Variants in PDXDC1 observed in about 807,000 individuals in gnomAD.
PDXDC1 encodes the protein pyridoxal-dependent decarboxylase domain-containing protein 1.
Under a neutral mutation model 100.1 loss-of-function variants are expected in PDXDC1, and 42 were observed. The ratio of observed to expected loss-of-function variants is 0.42; its 90% CI spans 0.33 to 0.54. The LOEUF is 0.54. Among genes scored for constraint, PDXDC1 ranks in the 20% least tolerant of loss-of-function variants. PDXDC1 has a pLI of 0.10. For missense variants in PDXDC1, 636 were observed against 979.2 expected, an observed-to-expected ratio of 0.65 and a Z score of 4.68; for synonymous variants, 260 against 371.7, an observed-to-expected ratio of 0.70 and a Z score of 3.46.
chr16:15,074,124 T>C (rs2045352259), intron 16 of PDXDC1, among the ~76,000 whole-genome samples: 1 of 152,186 alleles, frequency 6.6e-6, no homozygotes, highest in Non-Finnish European at 1.5e-5. Context: ...TTTTATCCTT[T>C]CCTGTAGTTT....
intron 12 of PDXDC1, among the ~76,000 whole-genome samples, chr16:15,021,766 T>C (rs919696055): frequency 3.9e-5 from 6 of 152,294 alleles, no homozygotes; most frequent in African/African-American, 1.4e-4. Context: ...CCATGCCTTA[T>C]AGTCCACAGT....
chr16:15,114,895 T>A (rs2151880461), intron 16 of PDXDC1, among the ~76,000 whole-genome samples: 1 of 136,566 alleles, frequency 7.3e-6, no homozygotes, highest in East Asian at 2.2e-4. Context: ...ACACTAACAC[T>A]AACAATAGCT....
chr16:15,047,205 CA>C (rs1271273247), intron 16 of PDXDC1: 1 of 526,858 alleles, frequency 1.9e-6, no homozygotes, highest in East Asian at 3.1e-5. Flanking sequence ...ACATCAAGTT[CA>C]AAGTCAAGCC....
At chr16:15,122,005 G>C (rs1404083969) in intron 16 of PDXDC1, 1 of 275,854 alleles carries the variant, frequency 3.6e-6, no homozygotes, top group Non-Finnish European at 7.1e-6. Flanking sequence ...GCCAGGCGTG[G>C]TGGTCTACTA....
intron 16 of PDXDC1, chr16:15,127,521 G>A: frequency 1.1e-5 from 17 of 1,514,802 alleles, no homozygotes; most frequent in Non-Finnish European, 1.3e-5. Context: ...AGACGGGATA[G>A]ACAACCACGC....
chr16:15,128,752 T>C (rs936979662), intron 16 of PDXDC1, among the ~76,000 whole-genome samples: 1 of 151,272 alleles, frequency 6.6e-6, no homozygotes, highest in Non-Finnish European at 1.5e-5. Context: ...ATGCATAGAC[T>C]GCAAAGCGTG....
At chr16:15,073,566 G>GA (rs2045330617) in intron 16 of PDXDC1, among the ~76,000 whole-genome samples, 1 of 152,124 alleles carries the variant, frequency 6.6e-6, no homozygotes, top group South Asian at 2.1e-4. Context: ...CACCTGCAAG[G>GA]AAGCAGGCCC....
intron 16 of PDXDC1, chr16:15,094,107 C>G: frequency 6.5e-7 from 1 of 1,541,992 alleles, no homozygotes; most frequent in Non-Finnish European, 8.8e-7. Flanking sequence ...CCTGAGCTTT[C>G]GTCCCAGATA....
chr16:15,089,731 C>T (rs1352151482), intron 16 of PDXDC1, among the ~76,000 whole-genome samples: 4 of 120,782 alleles, frequency 3.3e-5, no homozygotes, highest in African/African-American at 6.3e-5. Context: ...ACCCGGGAGG[C>T]GGAGCTTGCA....
At chr16:15,074,859 A>G (rs532701001) in intron 16 of PDXDC1, 1 of 1,606,456 alleles carries the variant, frequency 6.2e-7, no homozygotes, top group African/African-American at 1.3e-5. Flanking sequence ...CTTCATCTTC[A>G]TCCTTTGAAG....
At chr16:15,047,943 A>G in intron 16 of PDXDC1, 1 of 1,609,550 alleles carries the variant, frequency 6.2e-7, no homozygotes, top group South Asian at 1.1e-5. Context: ...GAAATAAAAT[A>G]AAATATCCAA....
chr16:15,084,011 C>T (rs1334897821), intron 16 of PDXDC1, among the ~76,000 whole-genome samples: 1 of 152,206 alleles, frequency 6.6e-6, no homozygotes, highest in Non-Finnish European at 1.5e-5. Context: ...CCACCGCGCC[C>T]GGCCAGAACT....
At chr16:15,031,966 G>A (rs1408074128) in intron 17 of PDXDC1, 60 bp downstream of exon 17, 5 of 1,357,632 alleles carry the variant, frequency 3.7e-6, no homozygotes, top group African/African-American at 2.9e-5. Flanking sequence ...ACATGAGTGG[G>A]TCATTTTCTG....
chr16:15,031,218 A>T (rs1388933228), intron 16 of PDXDC1, among the ~76,000 whole-genome samples: 2 of 148,200 alleles, frequency 1.3e-5, no homozygotes, highest in Non-Finnish European at 3.0e-5. Flanking sequence ...CAGATTCCCA[A>T]AGCACTGGCC....
At chr16:15,077,705 G>T (rs1179684326) in intron 16 of PDXDC1, among the ~76,000 whole-genome samples, 1 of 152,196 alleles carries the variant, frequency 6.6e-6, no homozygotes, top group Non-Finnish European at 1.5e-5. Context: ...GCCGGGCATG[G>T]TGGCATGTGC....
rs541932214 is a variant in PDXDC1 at position 15,027,010 on chromosome 16, A to G, written c.1204+304A>G. Among the ~76,000 whole-genome samples, 5 of 148,884 alleles carry G rather than the reference A, an allele frequency of 3.4e-5. No homozygotes were observed. In the East Asian group the frequency reaches 6.5e-4, roughly 19 times the overall value. Reference sequence around the variant, plus strand: ...CTTACTTCCCACATATTTTGAGTCAATAGGTTGTGCCCAGGAATCTGTATC... The same window carrying G: ...CTTACTTCCCACATATTTTGAGTCAGTAGGTTGTGCCCAGGAATCTGTATC... On this transcript the variant is annotated intron_variant, in intron 14 of 22. Transcript: ENST00000396410.
At chr16:15,124,810 A>G (rs898430611) in intron 16 of PDXDC1, among the ~76,000 whole-genome samples, 4 of 151,556 alleles carry the variant, frequency 2.6e-5, no homozygotes, top group Admixed American at 2.0e-4. Flanking sequence ...CAGGGTTAAC[A>G]AAAGTATGGA....
intron 16 of PDXDC1, among the ~76,000 whole-genome samples, chr16:15,117,312 G>C (rs1397753380): frequency 4.8e-5 from 5 of 104,138 alleles, no homozygotes; most frequent in African/African-American, 7.7e-5. Context: ...TCTTGAAAGG[G>C]GGTTGGTTTA....
At chr16:14,979,993 A>G (rs6498528) in intron 1 of PDXDC1, among the ~76,000 whole-genome samples, 37,670 of 148,090 alleles carry the variant, frequency 0.25, 1,656 homozygotes, top group East Asian at 0.41. Context: ...GCCAATTCCA[A>G]TGTTACAATG....
Sources: allele counts gnomAD v4.1 joint callset (sites outside exome capture counted in the v4.1 genomes callset), GRCh38; gene constraint gnomAD v4.1.1; transcripts MANE v1.5; gene names NCBI Gene and HGNC (gene_info 2026-07-23, HGNC 2026-07-21).